The following CAMTA1 variants were observed in gnomAD, a reference collection of about 807,000 sequenced individuals.
CAMTA1 encodes calmodulin binding transcription activator 1.
In CAMTA1, 27 loss-of-function variants were observed where a neutral mutation model predicts 170.9. That is an observed-to-expected ratio of 0.16 (90% CI 0.12 to 0.22). The LOEUF (loss-of-function observed/expected upper bound fraction) is 0.22. Ranked by LOEUF, CAMTA1 falls within the 10% of genes least tolerant of loss-of-function variation. The probability of loss-of-function intolerance (pLI) is 1.00; values close to 1 mark genes in which losing one functional copy is unlikely to be tolerated. For synonymous variants in CAMTA1, 833 were observed against 891.5 expected (o/e 0.93, Z 1.17); for missense variants, 1,619 against 2,217.2 (o/e 0.73, Z 5.42).
At chr1:6,959,434 G>T (rs1237281694) in intron 3 of CAMTA1, among the ~76,000 whole-genome samples, 1 of 152,198 alleles carries the variant, frequency 6.6e-6, no homozygotes, top group Non-Finnish European at 1.5e-5. Context: ...CTCAGAGCAG[G>T]CCCAGGGCGA....
chr1:6,956,775 CCTCT>C (rs1306165120), intron 3 of CAMTA1, among the ~76,000 whole-genome samples: 8 of 152,212 alleles, frequency 5.3e-5, no homozygotes, highest in African/African-American at 1.9e-4. Flanking sequence ...CCATTAACTC[CCTCT>C]GTCTGTCGGG....
chr1:7,272,568 T>C (rs182926801), intron 5 of CAMTA1, among the ~76,000 whole-genome samples: 55 of 151,744 alleles, frequency 3.6e-4, no homozygotes, highest in Admixed American at 1.8e-3. Flanking sequence ...TGGAATAAAA[T>C]TGAGAGTCCA....
At chr1:7,445,561 G>T (rs2092659133) in intron 5 of CAMTA1, among the ~76,000 whole-genome samples, 1 of 152,278 alleles carries the variant, frequency 6.6e-6, no homozygotes, top group South Asian at 2.1e-4. Flanking sequence ...GCCTGGAGGG[G>T]GAGGCGGAGC....
intron 16 of CAMTA1, among the ~76,000 whole-genome samples, chr1:7,743,975 C>T (rs551947044): frequency 5.3e-5 from 8 of 150,184 alleles, no homozygotes; most frequent in Non-Finnish European, 1.2e-4. Context: ...TACAGGCGCC[C>T]GCCACCACGC....
chr1:7,487,155 C>T (rs372640285), intron 6 of CAMTA1, among the ~76,000 whole-genome samples: 1 of 152,210 alleles, frequency 6.6e-6, no homozygotes, highest in African/African-American at 2.4e-5. Context: ...CCCATCTATG[C>T]GTCTCGTGTT....
Position 7,323,457 on chromosome 1 carries a change from C to T in CAMTA1, c.438+73831C>T, listed in dbSNP as rs575913634. Among the ~76,000 whole-genome samples, 10 of 150,378 alleles carry T rather than the reference C, an allele frequency of 6.6e-5. 1 individual carries two copies. In the South Asian group the frequency reaches 2.1e-3, roughly 32 times the overall value. On this transcript the variant is annotated intron_variant, in intron 5 of 22. Transcript: ENST00000303635. The stretch of plus-strand genomic sequence containing the variant: ...ATTTAAAATTGTAAAATTGTGCTTC[C>T]TTAGTACTCCCTACCCCTAGCCTGG...
chr1:7,649,106 T>C (rs1576592679), intron 7 of CAMTA1, among the ~76,000 whole-genome samples: 1 of 152,238 alleles, frequency 6.6e-6, no homozygotes, highest in Non-Finnish European at 1.5e-5. Flanking sequence ...GTGAGGACTT[T>C]CCGTAGACTC....
At chr1:7,625,048 G>A (rs944131482) in intron 6 of CAMTA1, among the ~76,000 whole-genome samples, 2 of 152,214 alleles carry the variant, frequency 1.3e-5, no homozygotes, top group South Asian at 2.1e-4. Context: ...GGTGAGAAGG[G>A]TGCATGGGAG....
chr1:7,398,813 T>A (rs2089655670), intron 5 of CAMTA1, among the ~76,000 whole-genome samples: 1 of 152,118 alleles, frequency 6.6e-6, no homozygotes, highest in Non-Finnish European at 1.5e-5. Flanking sequence ...CTGCTATAGT[T>A]TTTTCCTTTG....
chr1:7,187,316 T>C (rs12125984), intron 4 of CAMTA1, among the ~76,000 whole-genome samples: 81,142 of 151,972 alleles, frequency 0.53, 23,792 homozygotes, highest in Middle Eastern at 0.76. Context: ...GCATACTCAC[T>C]GGGAAGGATT....
intron 5 of CAMTA1, among the ~76,000 whole-genome samples, chr1:7,272,701 A>AAAAAAAAAAAAAAAAC: frequency 7.0e-6 from 1 of 143,228 alleles, no homozygotes; most frequent in Non-Finnish European, 1.5e-5. Context: ...GCAAAAAAAA[A>AAAAAAAAAAAAAAAAC]AAAAAAAAAA....
chr1:7,352,353 GTGCCTT>G (rs2084748641), intron 5 of CAMTA1, among the ~76,000 whole-genome samples: 1 of 152,198 alleles, frequency 6.6e-6, no homozygotes, highest in Non-Finnish European at 1.5e-5. Context: ...GAGTGCAGGT[GTGCCTT>G]GGCACCCCCT....
chr1:7,725,956 TCA>T (rs2096682682), intron 11 of CAMTA1, among the ~76,000 whole-genome samples: 1 of 151,278 alleles, frequency 6.6e-6, no homozygotes, highest in South Asian at 2.1e-4. Context: ...GGCGGGTGGG[TCA>T]CACACAGACT....
rs971496719 is a variant in CAMTA1 at position 7,144,791 on chromosome 1, G to C, written c.302+53420G>C. On this transcript the variant is annotated intron_variant, in intron 4 of 22. Coordinates refer to ENST00000303635, the MANE Select transcript of CAMTA1 (RefSeq NM_015215.4). The surrounding 1 kb of genome is among the most constrained non-coding windows in gnomAD (Gnocchi z 4.0). ...TTGGCTAATGGGTCTTCTCCAAAGA[G>C]TACTTTATTGTTTAAAGTAGAGCCA... is the stretch of plus-strand genomic sequence containing the variant. 2.0e-5 allele frequency among the ~76,000 whole-genome samples: 3 copies of C among 152,194 alleles called. No homozygotes were observed. Among genetic ancestry groups the C allele is most frequent in the African/African-American group, 4.8e-5 (2 of 41,444 alleles).
intron 4 of CAMTA1, among the ~76,000 whole-genome samples, chr1:7,214,540 G>A (rs1281925173): frequency 6.6e-6 from 1 of 151,966 alleles, no homozygotes; most frequent in Admixed American, 6.6e-5. Context: ...CTAATTTTTT[G>A]TGTTTTTAGT....
intron 3 of CAMTA1, among the ~76,000 whole-genome samples, chr1:6,909,017 A>G (rs935437775): frequency 6.6e-6 from 1 of 152,252 alleles, no homozygotes; most frequent in Non-Finnish European, 1.5e-5. Flanking sequence ...TAATAACCAC[A>G]AGCATCTGCA....
chr1:7,053,106 C>G (rs909463180), intron 3 of CAMTA1, among the ~76,000 whole-genome samples: 1 of 152,204 alleles, frequency 6.6e-6, no homozygotes, highest in Non-Finnish European at 1.5e-5. Flanking sequence ...GAGGGATGGA[C>G]CCTCATGCTC....
At chr1:7,087,167 G>C (rs1640861539) in intron 3 of CAMTA1, among the ~76,000 whole-genome samples, 1 of 152,180 alleles carries the variant, frequency 6.6e-6, no homozygotes, top group African/African-American at 2.4e-5. Context: ...GTGGACCTCT[G>C]GGGGAAGAGA....
At position 7,463,789 on chromosome 1, in the gene CAMTA1, G is replaced by A. The variant is rs1019590344; in HGVS notation, c.439-4041G>A. Among the ~76,000 whole-genome samples, 9 of 152,166 alleles carry A rather than the reference G, an allele frequency of 5.9e-5. No homozygotes were observed. The highest frequency in any genetic ancestry group is 1.4e-4 in the African/African-American group (6 of 41,444). On this transcript the variant is annotated intron_variant, in intron 5 of 22. Transcript: ENST00000303635. This position sits in a 1 kb window ranked among gnomAD's most constrained non-coding sequence, Gnocchi z 4.7. ...TATAAGTGATGTGCTTCCTTCTTGGGCCACTAAGCCATCACTGCCCAGCCT... is the reference window on the plus strand; with the variant it reads ...TATAAGTGATGTGCTTCCTTCTTGGACCACTAAGCCATCACTGCCCAGCCT...
Sources: gnomAD v4.1 joint callset for allele counts (sites outside exome capture counted in the v4.1 genomes callset) on GRCh38, gnomAD v4.1.1 for gene constraint, Gnocchi (gnomAD v3.1) non-coding constraint, MANE v1.5 for transcripts, NCBI Gene and HGNC (gene_info 2026-07-23, HGNC 2026-07-21) for gene names.